Variants in DOCK7 observed in about 807,000 individuals in gnomAD.
DOCK7 encodes dedicator of cytokinesis 7, also known as dedicator of cytokinesis protein 7.
DOCK7 carries 138 observed loss-of-function variants against 271.0 expected under a neutral mutation model. The observed-to-expected ratio is 0.51, with a 90% CI of 0.44 to 0.59. DOCK7 has a LOEUF of 0.59. Ranked by LOEUF, DOCK7 falls within the 20% of genes least tolerant of loss-of-function variation. The pLI, the probability that DOCK7 is intolerant of heterozygous loss-of-function variation, is 0.00. For missense variants in DOCK7, 2,066 were observed against 2,592.4 expected (o/e 0.80, Z 4.41); for synonymous variants, 823 against 876.1 (o/e 0.94, Z 1.07).
At chr1:62,634,613 T>C (rs1299397170) in intron 9 of DOCK7, 160 bp downstream of exon 9, 3 of 602,472 alleles carry the variant, frequency 5.0e-6, no homozygotes, top group Non-Finnish European at 8.3e-6. Context: ...TCAAGAAAAA[T>C]TAGGTAGCAC....
intron 1 of DOCK7, among the ~76,000 whole-genome samples, chr1:62,678,744 C>T (rs543786878): frequency 1.7e-4 from 26 of 152,056 alleles, no homozygotes; most frequent in African/African-American, 6.0e-4. Flanking sequence ...AATGCCAAGA[C>T]TGATTATACC....
chr1:62,606,315 TA>T (rs546315183), intron 14 of DOCK7, among the ~76,000 whole-genome samples: 3,441 of 139,400 alleles, frequency 0.025, 124 homozygotes, highest in African/African-American at 0.081. Flanking sequence ...TTGGTTTCCT[TA>T]AAAAAAAAAA....
intron 35 of DOCK7, 31 bp from the exon 36 acceptor site, chr1:62,505,847 A>G: frequency 6.2e-7 from 1 of 1,601,444 alleles, no homozygotes; most frequent in Middle Eastern, 1.7e-4. Context: ...AATAAAATAG[A>G]GATGTACTTG....
chr1:62,476,235 G>T, intron 44 of DOCK7, 79 bp from the exon 45 acceptor site: 3 of 997,946 alleles, frequency 3.0e-6, no homozygotes, highest in Non-Finnish European at 3.0e-6. Flanking sequence ...TGACTCCTGA[G>T]CAAAATTAGG....
intron 37 of DOCK7, among the ~76,000 whole-genome samples, chr1:62,497,880 T>A (rs778505161): frequency 6.6e-6 from 1 of 152,138 alleles, no homozygotes; most frequent in African/African-American, 2.4e-5. Context: ...AGTATAGTGA[T>A]AAAATAATTC....
chr1:62,561,853 C>T (rs1352140839), intron 18 of DOCK7, 150 bp from the exon 19 acceptor site: 2 of 473,006 alleles, frequency 4.2e-6, no homozygotes, highest in Non-Finnish European at 7.2e-6. Context: ...ATATTTCATT[C>T]TTATTTCAAA....
intron 40 of DOCK7, among the ~76,000 whole-genome samples, chr1:62,493,368 G>A (rs1442446675): frequency 1.3e-5 from 2 of 152,142 alleles, no homozygotes; most frequent in Non-Finnish European, 2.9e-5. Context: ...TACAGTAGAT[G>A]TACACTCATT....
chr1:62,584,722 C>T (rs1463935562), intron 15 of DOCK7: 15 of 1,051,222 alleles, frequency 1.4e-5, no homozygotes, highest in East Asian at 1.3e-4. Context: ...AGTAAGACAT[C>T]GTCCCTGCCC....
At chr1:62,672,297 G>A (rs939833189) in intron 1 of DOCK7, among the ~76,000 whole-genome samples, 2 of 151,840 alleles carry the variant, frequency 1.3e-5, no homozygotes, top group African/African-American at 4.8e-5. Flanking sequence ...TTCCATATTG[G>A]CACATAAAAC....
intron 31 of DOCK7, among the ~76,000 whole-genome samples, chr1:62,522,990 A>C (rs1243687672): frequency 6.6e-6 from 1 of 152,150 alleles, no homozygotes; most frequent in East Asian, 1.9e-4. Context: ...TAAATCTACA[A>C]AAGATATGCT....
At position 62,614,332 on chromosome 1, in the gene DOCK7, G is replaced by GT. The variant is rs754741470; in HGVS notation, c.1682+4373dup. Among the ~76,000 whole-genome samples, 85 of 150,558 alleles carry GT rather than the reference G, an allele frequency of 5.6e-4. 1 individual carries two copies. Among genetic ancestry groups the GT allele is most frequent in the East Asian group, 1.7e-3 (9 of 5,160 alleles). ...GTTTCTAGATATGCTTAAGGTTTTTGTTTTTTTTTAAAATAAACTATCAGT... is the reference window on the plus strand; with the variant it reads ...GTTTCTAGATATGCTTAAGGTTTTTGTTTTTTTTTTAAAATAAACTATCAGT... On this transcript the variant is annotated intron_variant, in intron 14 of 49. Coordinates refer to ENST00000635253, the MANE Select transcript of DOCK7 (RefSeq NM_001367561.1).
At position 62,455,306 on chromosome 1, in the gene DOCK7, G is replaced by C; in HGVS notation, c.*108C>G. The C allele has an allele frequency of 8.2e-7, 1 of 1,214,094 alleles. No homozygotes were observed. The allele number at this position is 1,214,094 out of a possible 1,614,324, so 75.2% of individuals were successfully genotyped here. ...TTTCTTGGCCACTGCATTCTTCAAT[G>C]AATAATAATTTCCAGAATTCCATTC... On this transcript the variant is annotated 3_prime_UTR_variant, in exon 50 of 50. Coordinates refer to ENST00000635253, the MANE Select transcript of DOCK7 (RefSeq NM_001367561.1).
intron 1 of DOCK7, among the ~76,000 whole-genome samples, chr1:62,674,126 T>A (rs1450054839): frequency 1.3e-5 from 2 of 152,232 alleles, no homozygotes; most frequent in South Asian, 2.1e-4. Context: ...ACAAGTATAA[T>A]ATCCAAAAAT....
intron 43 of DOCK7, chr1:62,479,656 A>C (rs1343115291): frequency 6.6e-6 from 2 of 303,800 alleles, no homozygotes; most frequent in African/African-American, 4.2e-5. Context: ...ATACATATAC[A>C]TTCCTACTTT....
chr1:62,625,412 A>G lies in DOCK7; in HGVS notation c.1283-11T>C. On this transcript the variant is annotated splice_polypyrimidine_tract_variant and intron_variant, in intron 11 of 49. Coordinates refer to ENST00000635253, the MANE Select transcript of DOCK7 (RefSeq NM_001367561.1). Reference sequence around the variant, plus strand: ...AAGACCCTTTTCGTTCTACAAAAGAATTAAAAAAAAAATTCATTTTCATAG... The same window carrying G: ...AAGACCCTTTTCGTTCTACAAAAGAGTTAAAAAAAAAATTCATTTTCATAG... 1.3e-6 allele frequency: 2 copies of G among 1,572,878 alleles called. No individual in the cohort carries two copies. The highest frequency in any genetic ancestry group is 1.7e-6 in the Non-Finnish European group (2 of 1,162,274).
chr1:62,509,901 G>A (rs1029118906), intron 34 of DOCK7, among the ~76,000 whole-genome samples: 1 of 152,186 alleles, frequency 6.6e-6, no homozygotes, highest in Non-Finnish European at 1.5e-5. Flanking sequence ...CCTGGGATGT[G>A]GGACAATCAG....
intron 31 of DOCK7, among the ~76,000 whole-genome samples, chr1:62,517,838 A>T (rs1644711334): frequency 1.3e-5 from 2 of 152,162 alleles, no homozygotes; most frequent in Admixed American, 1.3e-4. Flanking sequence ...CTAACCCAAA[A>T]ATGCCACTCT....
At chr1:62,590,605 T>C (rs150920652) in intron 14 of DOCK7, among the ~76,000 whole-genome samples, 2 of 152,228 alleles carry the variant, frequency 1.3e-5, no homozygotes, top group Non-Finnish European at 2.9e-5. Flanking sequence ...AATAATGTAG[T>C]ATGATAAATG....
chr1:62,644,335 C>A (rs976210246), intron 7 of DOCK7, among the ~76,000 whole-genome samples: 1 of 152,200 alleles, frequency 6.6e-6, no homozygotes, highest in African/African-American at 2.4e-5. Flanking sequence ...TCCTGTCTGA[C>A]TTTTCCCTGC....
Sources: allele counts gnomAD v4.1 joint callset (sites outside exome capture counted in the v4.1 genomes callset), GRCh38; gene constraint gnomAD v4.1.1; transcripts MANE v1.5; gene names NCBI Gene and HGNC (gene_info 2026-07-23, HGNC 2026-07-21).